Variants in MEI4 observed in about 807,000 individuals in gnomAD.
MEI4 encodes meiotic double-stranded break formation protein 4, also known as meiosis-specific protein MEI4.
A neutral mutation model predicts 31.4 loss-of-function variants in MEI4; 27 were observed. That is an observed-to-expected ratio of 0.86 (90% CI 0.63 to 1.19). The LOEUF is 1.19. Among genes scored for constraint, MEI4 ranks in the 50% most tolerant of loss-of-function variants. MEI4 has a pLI of 0.00. For synonymous variants in MEI4, 122 were observed against 145.4 expected (o/e 0.84, Z 1.16); for missense variants, 329 against 398.9 (o/e 0.82, Z 1.49).
chr6:77,783,676 T>C (rs1194458623), intron 3 of MEI4, among the ~76,000 whole-genome samples: 1 of 152,166 alleles, frequency 6.6e-6, no homozygotes, highest in Non-Finnish European at 1.5e-5. Context: ...TGAATATCTC[T>C]GTTTTTTTAT....
intron 4 of MEI4, among the ~76,000 whole-genome samples, chr6:77,907,647 A>T (rs1228187394): frequency 2.0e-5 from 3 of 152,168 alleles, no homozygotes; most frequent in Non-Finnish European, 4.4e-5. Flanking sequence ...CTTTGGGTAT[A>T]TACCCAGTAA....
intron 4 of MEI4, among the ~76,000 whole-genome samples, chr6:77,917,160 C>A (rs1766578521): frequency 6.6e-6 from 1 of 152,002 alleles, no homozygotes; most frequent in Non-Finnish European, 1.5e-5. Context: ...TTTCTTAATC[C>A]AGTCTATCAT....
chr6:77,731,045 G>A (rs1157524781), intron 2 of MEI4, among the ~76,000 whole-genome samples: 2 of 151,858 alleles, frequency 1.3e-5, no homozygotes, highest in Non-Finnish European at 2.9e-5. Flanking sequence ...CATTTGGGTT[G>A]GTTCCAAGCC....
chr6:77,821,463 A>G (rs959551647), intron 3 of MEI4, among the ~76,000 whole-genome samples: 3 of 152,134 alleles, frequency 2.0e-5, no homozygotes, highest in African/African-American at 7.2e-5. Context: ...GACCCAATGT[A>G]GATATGGCTG....
intron 2 of MEI4, among the ~76,000 whole-genome samples, chr6:77,731,722 G>C (rs1766998829): frequency 6.6e-6 from 1 of 151,426 alleles, no homozygotes; most frequent in African/African-American, 2.4e-5. Flanking sequence ...GTCCTGAATA[G>C]TAATGCTTAG....
chr6:77,652,044 ACT>A (rs1044445264), upstream of MEI4, among the ~76,000 whole-genome samples: 1 of 152,104 alleles, frequency 6.6e-6, no homozygotes, highest in African/African-American at 2.4e-5. Flanking sequence ...TGTACATTAA[ACT>A]CTGCCATGTC....
chr6:77,743,064 A>G (rs949102662), intron 2 of MEI4, among the ~76,000 whole-genome samples: 2 of 152,072 alleles, frequency 1.3e-5, no homozygotes, highest in African/African-American at 2.4e-5. Flanking sequence ...TGATGCCTCC[A>G]GCTTTGTTCT....
intron 2 of MEI4, among the ~76,000 whole-genome samples, chr6:77,745,938 A>T (rs1767588486): frequency 6.6e-6 from 1 of 152,194 alleles, no homozygotes; most frequent in South Asian, 2.1e-4. Flanking sequence ...CAAAGACACA[A>T]CATACCAGAA....
chr6:77,923,230 C>T lies in MEI4; in HGVS notation c.1042C>T (p.Gln348Ter). The T allele has an allele frequency of 8.1e-7, 1 of 1,230,500 alleles. No individual in the cohort carries two copies. Among genetic ancestry groups the T allele is most frequent in the Non-Finnish European group, 1.0e-6 (1 of 986,894 alleles). 76.2% of individuals were successfully genotyped at this position (1,230,500 alleles called of 1,614,324 possible). ...HDDQEIKKFL[Q>*]KHDETIFQLS... is the part of the protein sequence containing the mutation. ...TGACCAAGAAATCAAGAAATTTCTTCAGAAGCATGATGAAACTATTTTCCA... is the reference window on the plus strand; with the variant it reads ...TGACCAAGAAATCAAGAAATTTCTTTAGAAGCATGATGAAACTATTTTCCA... Residue 348 changes from glutamine (Q) to a stop codon, truncating the protein, a stop_gained, in exon 5 of 5, where the codon CAG (glutamine) becomes TAG (stop). Coordinates refer to ENST00000684080, the MANE Select transcript of MEI4 (RefSeq NM_001322247.2). LOFTEE classifies it high-confidence loss of function.
chr6:77,709,813 G>A (rs901525082), intron 2 of MEI4, among the ~76,000 whole-genome samples: 5 of 152,124 alleles, frequency 3.3e-5, no homozygotes, highest in African/African-American at 1.2e-4. Flanking sequence ...TAATAACTGT[G>A]CTTTTAATAA....
chr6:77,817,386 G>T (rs183592638), intron 3 of MEI4, among the ~76,000 whole-genome samples: 64 of 152,178 alleles, frequency 4.2e-4, no homozygotes, highest in Non-Finnish European at 2.2e-4. Context: ...AATATCCAGG[G>T]TGACCTTTGT....
At chr6:77,850,365 C>T (rs1350198642) in intron 4 of MEI4, among the ~76,000 whole-genome samples, 1 of 152,154 alleles carries the variant, frequency 6.6e-6, no homozygotes, top group Non-Finnish European at 1.5e-5. Flanking sequence ...GGAGGCATCA[C>T]ACTCCCTGAC....
intron 1 of MEI4, among the ~76,000 whole-genome samples, chr6:77,653,615 CT>C (rs1220393557): frequency 6.6e-6 from 1 of 152,086 alleles, no homozygotes. Flanking sequence ...AAAATCACTC[CT>C]GTCAAAATTT....
chr6:77,731,945 C>T (rs550415398), intron 2 of MEI4, among the ~76,000 whole-genome samples: 65 of 148,428 alleles, frequency 4.4e-4, no homozygotes, highest in East Asian at 2.2e-3. Flanking sequence ...TGTACATATG[C>T]GGCATTATTT....
intron 3 of MEI4, among the ~76,000 whole-genome samples, chr6:77,800,719 C>G (rs1475693577): frequency 6.6e-6 from 1 of 152,150 alleles, no homozygotes; most frequent in African/African-American, 2.4e-5. Flanking sequence ...TGAATTTTGT[C>G]AAAGGCCTTT....
chr6:77,662,432 G>A (rs1220261671), intron 1 of MEI4, among the ~76,000 whole-genome samples: 4 of 152,104 alleles, frequency 2.6e-5, no homozygotes, highest in Admixed American at 1.3e-4. Context: ...GTGGGAGGCC[G>A]GATTGAAGTC....
intron 2 of MEI4, among the ~76,000 whole-genome samples, chr6:77,748,347 C>G (rs1767669521): frequency 6.6e-6 from 1 of 152,240 alleles, no homozygotes; most frequent in Non-Finnish European, 1.5e-5. Context: ...CAAACCTTAA[C>G]TGTTGAATTC....
At chr6:77,700,345 T>G (rs112455728) in intron 2 of MEI4, among the ~76,000 whole-genome samples, 37 of 152,294 alleles carry the variant, frequency 2.4e-4, no homozygotes, top group African/African-American at 8.7e-4. Flanking sequence ...GATCTGACAC[T>G]GCTGTGCTAG....
In MEI4 at chr6:77,798,814, A is replaced by G. The variant is rs200568417; in HGVS notation, c.769-30117A>G. 5.6e-3 allele frequency among the ~76,000 whole-genome samples: 849 copies of G among 152,086 alleles called. 17 individuals are homozygous for G. Among genetic ancestry groups the G allele is most frequent in the East Asian group, 0.049 (253 of 5,166 alleles). On this transcript the variant is annotated intron_variant, in intron 3 of 4. Transcript: ENST00000684080. ...AATTTCATCCATGTCCCTACAAAGG[A>G]CATGAACTCATCATTTTTTATGGCT... is the stretch of plus-strand genomic sequence containing the variant.
Sources: gnomAD v4.1 joint callset for allele counts (sites outside exome capture counted in the v4.1 genomes callset) on GRCh38, gnomAD v4.1.1 for gene constraint, MANE v1.5 for transcripts, NCBI Gene and HGNC (gene_info 2026-07-23, HGNC 2026-07-21) for gene names.